Variants in ANAPC2 observed in about 807,000 individuals in gnomAD.
ANAPC2 encodes anaphase-promoting complex subunit 2.
A neutral mutation model predicts 84.3 loss-of-function variants in ANAPC2; 29 were observed. That is an observed-to-expected ratio of 0.34 (90% confidence interval 0.26 to 0.47). ANAPC2 has a LOEUF of 0.47. ANAPC2 is among the 20% of genes least tolerant of loss of function. The pLI, the probability that ANAPC2 is intolerant of heterozygous loss-of-function variation, is 1.00. For synonymous variants in ANAPC2, 571 were observed against 479.4 expected, an observed-to-expected ratio of 1.19 and a Z score of -2.50; for missense variants, 857 against 1,131.7, an observed-to-expected ratio of 0.76 and a Z score of 3.48.
Position 137,175,256 on chromosome 9 carries a change from T to C in ANAPC2, c.2237A>G (p.Gln746Arg). Residue 746 changes from glutamine to arginine, a missense_variant, in exon 12 of 13, where the codon CAG (glutamine) becomes CGG (arginine). Gln to Arg is a conservative substitution (Grantham distance 43). Transcript: ENST00000323927. ...GCGCACCAGCAGCTCCTCCTCCTTC[T>C]GGTCGGCCTGGGAGGCCATGCCGGA... ...SDSGMASQAD[Q>R]KEEELLLFWT... is the part of the protein sequence containing the mutation. The C allele has an allele frequency of 6.2e-7, 1 of 1,612,434 alleles. No individual in the cohort carries two copies. The highest frequency in any genetic ancestry group is 1.1e-5 in the South Asian group (1 of 91,066).
At position 137,174,827 on chromosome 9, in the gene ANAPC2, T is replaced by C; in HGVS notation, c.*115A>G. ...AATCTGCACACTGCGGGGGTGGGGG[T>C]GGGCATGCTCCTCAGCAGTGCATTC... On this transcript the variant is annotated 3_prime_UTR_variant, in exon 13 of 13. Transcript: ENST00000323927. This position sits in a 1 kb window ranked among gnomAD's most constrained non-coding sequence, Gnocchi z 6.1. 1.1e-6 allele frequency: 1 copy of C among 918,726 alleles called. No homozygotes were observed. Among genetic ancestry groups the C allele is most frequent in the Non-Finnish European group, 1.6e-6 (1 of 642,056 alleles). 56.9% of individuals were successfully genotyped at this position (918,726 alleles called of 1,614,324 possible). A position where few individuals can be genotyped will look rare whatever the true frequency, so the allele number is the denominator to read the frequency against.
At chr9:137,187,300 G>A in intron 2 of ANAPC2, 181 bp downstream of exon 2, 1 of 760,868 alleles carries the variant, frequency 1.3e-6, no homozygotes. Flanking sequence ...CTGAAGGTGA[G>A]TGACAGAAGA....
chr9:137,179,083 C>T (rs1034574729), intron 10 of ANAPC2, among the ~76,000 whole-genome samples: 3 of 152,198 alleles, frequency 2.0e-5, no homozygotes, highest in East Asian at 1.9e-4. Flanking sequence ...GCCCGCCCGC[C>T]GGCCTCCTGG....
At position 137,183,237 on chromosome 9, in the gene ANAPC2, T is replaced by C; in HGVS notation, c.1174A>G (p.Asn392Asp). Residue 392 changes from asparagine to aspartate, a missense_variant, in exon 6 of 13, where the codon AAC (asparagine) becomes GAC (aspartate). Physicochemically the swap from Asn to Asp is conservative, Grantham distance 23. This residue lies in a region of ANAPC2 where 4 missense variants were observed against 22.3 expected (regional missense o/e 0.18). Transcript: ENST00000323927. ...LETRLLHPGV[N>D]TCDIITLYIS... The stretch of plus-strand genomic sequence containing the variant: ...TAGAGGGTGATGATGTCACACGTGT[T>C]GACGCCTACAGCCAGGGCAGAAGCC... 1 of 1,612,530 alleles carries C rather than the reference T, an allele frequency of 6.2e-7. No individual in the cohort carries two copies. Among genetic ancestry groups the C allele is most frequent in the South Asian group, 1.1e-5 (1 of 91,076 alleles).
At position 137,175,696 on chromosome 9, in the gene ANAPC2, T is replaced by C; in HGVS notation, c.2020+12A>G. The C allele has an allele frequency of 1.2e-6, 2 of 1,607,548 alleles. No homozygotes were observed. The highest frequency in any genetic ancestry group is 1.7e-6 in the Non-Finnish European group (2 of 1,176,644). On this transcript the variant is annotated intron_variant, in intron 11 of 12. Transcript: ENST00000323927. The stretch of plus-strand genomic sequence containing the variant: ...TGGCCGGGGCAGGCCAGCTAGGGGC[T>C]GGTGGGCTCACCTTGGTCCTGAAAA...
intron 10 of ANAPC2, 185 bp from the exon 11 acceptor site, chr9:137,176,022 G>A (rs1386154451): frequency 6.3e-6 from 4 of 634,458 alleles, no homozygotes; most frequent in Non-Finnish European, 7.6e-6. Context: ...CACCATGGAA[G>A]GGCAATGGGG....
rs1193991703 is a variant in ANAPC2 at position 137,187,722 on chromosome 9, T to TG, written c.498dup (p.Arg167GlnfsTer22). The TG allele has an allele frequency of 6.2e-7, 1 of 1,613,808 alleles. No individual in the cohort carries two copies. Among genetic ancestry groups the TG allele is most frequent in the Non-Finnish European group, 8.5e-7 (1 of 1,180,032 alleles). On this transcript the variant is annotated frameshift_variant, in exon 2 of 13. Coordinates refer to ENST00000323927, the MANE Select transcript of ANAPC2 (RefSeq NM_013366.4). LOFTEE classifies it high-confidence loss of function. ...CGCTGGATCATCTCTTGGAAGGTTC[T>TG]GGGGGTGCTAAAGAACAAGACTCCG...
chr9:137,183,587 AGACTAG>A, intron 5 of ANAPC2, 79 bp downstream of exon 5: 1 of 1,527,970 alleles, frequency 6.5e-7, no homozygotes, highest in Non-Finnish European at 8.8e-7. Flanking sequence ...CAGGGCTGGC[AGACTAG>A]GCCCCAGGCT....
chr9:137,178,305 C>A (rs28719036), intron 10 of ANAPC2, among the ~76,000 whole-genome samples: 2,731 of 152,318 alleles, frequency 0.018, 96 homozygotes, highest in African/African-American at 0.062. Flanking sequence ...CCAACAAGGT[C>A]GCTCGGCCAG....
rs1834317686 is a variant in ANAPC2 at position 137,180,388 on chromosome 9, AG to A, written c.1687-5del. 6.2e-7 allele frequency: 1 copy of A among 1,612,352 alleles called. No individual in the cohort carries two copies. The highest frequency in any genetic ancestry group is 1.7e-5 in the Admixed American group (1 of 60,008). On this transcript the variant is annotated splice_polypyrimidine_tract_variant and splice_region_variant and intron_variant, in intron 9 of 12. Transcript: ENST00000323927. ...TGCGGCGGGAGTCCGCCATGTCCTGAGGAGGAGCCGGTGTCACGGGGGACCT... is the reference window on the plus strand; with the variant it reads ...TGCGGCGGGAGTCCGCCATGTCCTGAGAGGAGCCGGTGTCACGGGGGACCT...
rs372561942 is a variant in ANAPC2 at position 137,188,285 on chromosome 9, T to C, written c.117+131A>G. The C allele has an allele frequency of 2.3e-6, 3 of 1,280,780 alleles. No individual in the cohort carries two copies. The South Asian group carries it at 4.3e-5, about 18-fold the overall frequency. The allele number at this position is 1,280,780 out of a possible 1,614,324, so 79.3% of individuals were successfully genotyped here. A position where few individuals can be genotyped will look rare whatever the true frequency, so the allele number is the denominator to read the frequency against. On this transcript the variant is annotated intron_variant, in intron 1 of 12. Transcript: ENST00000323927. The stretch of plus-strand genomic sequence containing the variant: ...AGCTGAACGAAACGAAACGGAAAGG[T>C]GGTGGAAAATGGCAGGACAGGACAG...
chr9:137,179,961 G>A (rs554503182), intron 10 of ANAPC2, among the ~76,000 whole-genome samples: 5 of 152,264 alleles, frequency 3.3e-5, no homozygotes, highest in South Asian at 2.1e-4. Flanking sequence ...CCTGTGGGCC[G>A]CGCGGACGCT....
chr9:137,187,819 T>C lies in ANAPC2; in HGVS notation c.402A>G (p.Lys134=). 1 of 1,613,600 alleles carries C rather than the reference T, an allele frequency of 6.2e-7. No homozygotes were observed. Among genetic ancestry groups the C allele is most frequent in the South Asian group, 1.1e-5 (1 of 91,078 alleles). Residue 134 remains lysine, a synonymous_variant, in exon 2 of 13, where the codon AAA becomes AAG. Transcript: ENST00000323927. ...PYLRSLELLE[K]WTRLGLLMGT... The stretch of plus-strand genomic sequence containing the variant: ...CCATCAGCAAGCCCAGGCGAGTCCA[T>C]TTCTCCAGCAGCTCTAGGCTACGCA...
intron 3 of ANAPC2, 40 bp downstream of exon 3, chr9:137,186,184 C>T: frequency 6.2e-7 from 1 of 1,601,972 alleles, no homozygotes; most frequent in Non-Finnish European, 8.5e-7. Context: ...ACCTACTCCC[C>T]TGTCTCCAGC....
chr9:137,180,532 A>G lies in ANAPC2; in HGVS notation c.1611-5T>C. On this transcript the variant is annotated splice_polypyrimidine_tract_variant and splice_region_variant and intron_variant, in intron 8 of 12. Coordinates refer to ENST00000323927, the MANE Select transcript of ANAPC2 (RefSeq NM_013366.4). The stretch of plus-strand genomic sequence containing the variant: ...AGCTCCACGTTGCGGATCTCCCTGG[A>G]AAGACGAGTGTCTGGGCAGGGGGTC... 1.9e-6 allele frequency: 3 copies of G among 1,612,954 alleles called. No homozygotes were observed. Among genetic ancestry groups the G allele is most frequent in the Non-Finnish European group, 2.5e-6 (3 of 1,179,888 alleles).
chr9:137,185,009 C>G lies in ANAPC2; in HGVS notation c.952G>C (p.Gly318Arg). 6.2e-7 allele frequency: 1 copy of G among 1,605,592 alleles called. No individual in the cohort carries two copies. Among genetic ancestry groups the G allele is most frequent in the Non-Finnish European group, 8.5e-7 (1 of 1,177,040 alleles). ...CAGCGCCAGCGGCGCAGGGTGTTGC[C>G]GGCCTCGGGAGATGCGGGCCTGGCG... Reference protein sequence around the residue: ...GPARPASPEAGNTLRRWRCHV... With the variant: ...GPARPASPEARNTLRRWRCHV... The change falls in exon 4 of 13, where the codon GGC becomes CGC. Residue 318 changes from glycine (G) to arginine (R), a missense_variant. By Grantham distance (125) the Gly-to-Arg change is moderately radical (BLOSUM62 -2). Around this residue, in one of 3 missense-constraint regions of ANAPC2, gnomAD observed 428 missense variants for 513.8 expected, o/e 0.83. Transcript: ENST00000323927.
intron 1 of ANAPC2, 31 bp from the exon 2 acceptor site, chr9:137,188,134 A>T (rs1834518242): frequency 6.3e-7 from 1 of 1,598,550 alleles, no homozygotes; most frequent in East Asian, 2.2e-5. Flanking sequence ...AGGCGAGGGG[A>T]ACACAACATA....
chr9:137,175,114 T>C lies in ANAPC2; in HGVS notation c.2297A>G (p.Glu766Gly). Residue 766 changes from glutamate (E) to glycine (G), a missense_variant, in exon 13 of 13, where the codon GAG (glutamate) becomes GGG (glycine). Around this residue, in one of 3 missense-constraint regions of ANAPC2, gnomAD observed 425 missense variants for 595.5 expected, o/e 0.71. Coordinates refer to ENST00000323927, the MANE Select transcript of ANAPC2 (RefSeq NM_013366.4). ...GTAGATACGATCCAGTGAGAGGCTC[T>C]CCAGGTTGGTCAGCATGGCCTGGAT... The part of the protein sequence containing the change: ...TYIQAMLTNL[E>G]SLSLDRIYNM... 6.2e-7 allele frequency: 1 copy of C among 1,609,288 alleles called. No homozygotes were observed. The highest frequency in any genetic ancestry group is 1.1e-5 in the South Asian group (1 of 90,416).
chr9:137,177,538 A>ATGTGTGTGGAAC (rs2131331108), intron 10 of ANAPC2, among the ~76,000 whole-genome samples: 1 of 152,210 alleles, frequency 6.6e-6, no homozygotes, highest in African/African-American at 2.4e-5. Flanking sequence ...ACAGGCTGAG[A>ATGTGTGTGGAAC]TGTGTGTGGA....
Sources: allele counts gnomAD v4.1 joint callset (sites outside exome capture counted in the v4.1 genomes callset), GRCh38; gene constraint gnomAD v4.1.1; regional missense constraint gnomAD v4.1.1; non-coding constraint Gnocchi (gnomAD v3.1); transcripts MANE v1.5; gene names NCBI Gene and HGNC (gene_info 2026-07-23, HGNC 2026-07-21).